Variants in MAP4 observed in about 807,000 individuals in gnomAD.
MAP4 encodes microtubule-associated protein 4.
In MAP4, 76 loss-of-function variants were observed where a neutral mutation model predicts 170.2. That is an observed-to-expected ratio of 0.45 (90% CI 0.37 to 0.54). The LOEUF is 0.54. MAP4 is among the 20% of genes least tolerant of loss of function. The pLI is 0.00. For synonymous variants in MAP4, 909 were observed against 994.5 expected (o/e 0.91, Z 1.62); for missense variants, 2,506 against 2,748.0 (o/e 0.91, Z 1.97).
At chr3:48,086,603 T>C (rs2154575705) in intron 1 of MAP4, among the ~76,000 whole-genome samples, 1 of 152,286 alleles carries the variant, frequency 6.6e-6, no homozygotes, top group East Asian at 1.9e-4. Flanking sequence ...CCTGCCACTG[T>C]CCAGCCTGGG....
In MAP4 at chr3:47,916,883, G is replaced by A; in HGVS notation, c.944C>T (p.Ala315Val). The change falls in exon 7 of 21, where the codon GCC becomes GTC. Residue 315 changes from alanine to valine, a missense_variant. Ala to Val is a moderately conservative substitution (Grantham distance 64, BLOSUM62 0). Coordinates refer to ENST00000683076, the MANE Select transcript of MAP4 (RefSeq NM_001385682.1). ...DMELPTEKEV[A>V]LVKDVRWPTE... ...GGGCCATCTGACATCCTTAACCAGG[G>A]CCACTTCTTTTTCTGTGGGTAGTTC... 6.2e-7 allele frequency: 1 copy of A among 1,614,210 alleles called. No individual in the cohort carries two copies. Among genetic ancestry groups the A allele is most frequent in the Non-Finnish European group, 8.5e-7 (1 of 1,180,046 alleles).
chr3:47,923,012 T>C (rs1408215407), intron 4 of MAP4, among the ~76,000 whole-genome samples: 1 of 151,454 alleles, frequency 6.6e-6, no homozygotes, highest in African/African-American at 2.4e-5. Context: ...ATGGCGCCAC[T>C]GCACTCCAGC....
chr3:47,991,127 T>A (rs772658102), intron 2 of MAP4, among the ~76,000 whole-genome samples: 68 of 152,176 alleles, frequency 4.5e-4, no homozygotes, highest in Admixed American at 9.2e-4. Flanking sequence ...GCAGAAATCA[T>A]ACTTAGAGAA....
chr3:47,973,061 C>G (rs963411782), intron 3 of MAP4: 2 of 984,550 alleles, frequency 2.0e-6, no homozygotes, highest in African/African-American at 3.5e-5. Flanking sequence ...AATTATGACC[C>G]CAACCAAATC....
chr3:48,076,636 G>A (rs1479155795), intron 1 of MAP4, among the ~76,000 whole-genome samples: 1 of 151,302 alleles, frequency 6.6e-6, no homozygotes, highest in Non-Finnish European at 1.5e-5. Context: ...CAGATATCAT[G>A]CCACTGCACT....
chr3:47,946,654 C>CAA (rs11427271), intron 3 of MAP4, among the ~76,000 whole-genome samples: 2,269 of 39,466 alleles, frequency 0.057, 133 homozygotes, highest in Admixed American at 0.1. Context: ...AACTCCGTCT[C>CAA]AAAAAAAAAA....
intron 1 of MAP4, among the ~76,000 whole-genome samples, chr3:48,071,642 T>C (rs761728883): frequency 1.3e-5 from 2 of 152,080 alleles, no homozygotes; most frequent in African/African-American, 2.4e-5. Flanking sequence ...ATGAAAAAAG[T>C]AGCCGGGTGC....
chr3:47,930,430 CGACAGAGCGA>C (rs2100048972), intron 3 of MAP4, among the ~76,000 whole-genome samples: 4 of 145,164 alleles, frequency 2.8e-5, no homozygotes, highest in Non-Finnish European at 6.0e-5. Flanking sequence ...CCGGCCTGGG[CGACAGAGCGA>C]GACTCCGTCT....
At chr3:47,918,408 C>A (rs1213579714) in intron 6 of MAP4, among the ~76,000 whole-genome samples, 1 of 151,830 alleles carries the variant, frequency 6.6e-6, no homozygotes, top group Non-Finnish European at 1.5e-5. Context: ...GTGTGAGCCA[C>A]CACACCAGGC....
At chr3:47,865,297 C>A (rs1166310913) in intron 17 of MAP4, among the ~76,000 whole-genome samples, 1 of 152,196 alleles carries the variant, frequency 6.6e-6, no homozygotes, top group Non-Finnish European at 1.5e-5. Context: ...TCCCTCAGAA[C>A]CCCTGTTCAC....
chr3:48,081,370 T>C (rs1311659646), intron 1 of MAP4, among the ~76,000 whole-genome samples: 1 of 152,024 alleles, frequency 6.6e-6, no homozygotes, highest in Non-Finnish European at 1.5e-5. Flanking sequence ...CACTTCCTGT[T>C]TGGCCAAGGG....
intron 4 of MAP4, among the ~76,000 whole-genome samples, chr3:47,922,970 A>G (rs536923625): frequency 1.3e-4 from 20 of 152,138 alleles, no homozygotes; most frequent in Non-Finnish European, 2.5e-4. Context: ...AAATCGCTTG[A>G]ACACGGGAGG....
intron 2 of MAP4, among the ~76,000 whole-genome samples, chr3:47,991,253 A>T (rs1221744555): frequency 6.6e-6 from 1 of 152,210 alleles, no homozygotes; most frequent in Non-Finnish European, 1.5e-5. Context: ...AGGAAATAAA[A>T]CACCATTGTT....
chr3:47,998,334 C>A lies in MAP4; in HGVS notation c.223+304G>T, dbSNP rs2100097119. ...GATATAACCGCAGAATTTTATTTAA[C>A]TTTTCAAAGCTACTTTCAGAGAAAA... is the stretch of plus-strand genomic sequence containing the variant. On this transcript the variant is annotated intron_variant, in intron 2 of 20. Coordinates refer to ENST00000683076, the MANE Select transcript of MAP4 (RefSeq NM_001385682.1). 1.3e-5 allele frequency among the ~76,000 whole-genome samples: 2 copies of A among 152,104 alleles called. 1 individual carries two copies. Among genetic ancestry groups the A allele is most frequent in the South Asian group, 4.1e-4 (2 of 4,830 alleles).
intron 3 of MAP4, chr3:47,975,275 A>G: frequency 6.8e-7 from 1 of 1,461,656 alleles, no homozygotes. Flanking sequence ...CACAAGAGGA[A>G]GCAGGTTGTT....
At chr3:47,972,977 GA>G (rs1190181939) in intron 3 of MAP4, 1 of 964,758 alleles carries the variant, frequency 1.0e-6, no homozygotes, top group African/African-American at 1.8e-5. Context: ...GGTGGGATTA[GA>G]AGCTATATTA....
At chr3:47,897,935 C>A (rs1333260776) in intron 10 of MAP4, among the ~76,000 whole-genome samples, 1 of 138,380 alleles carries the variant, frequency 7.2e-6, no homozygotes, top group Non-Finnish European at 1.5e-5. Context: ...GAGTGAGACT[C>A]CATATCGGGG....
chr3:47,987,318 G>T, intron 2 of MAP4: 1 of 1,202,280 alleles, frequency 8.3e-7, no homozygotes, highest in Non-Finnish European at 1.2e-6. Context: ...ATAACAAATA[G>T]CTTAATTATG....
intron 17 of MAP4, among the ~76,000 whole-genome samples, chr3:47,861,859 AAAAAC>A (rs538971836): frequency 2.1e-5 from 3 of 143,860 alleles, no homozygotes; most frequent in South Asian, 2.2e-4. Context: ...ACTTTGTCTC[AAAAAC>A]AAAACAAAAC....
Sources: allele counts gnomAD v4.1 joint callset (sites outside exome capture counted in the v4.1 genomes callset), GRCh38; gene constraint gnomAD v4.1.1; transcripts MANE v1.5; gene names NCBI Gene and HGNC (gene_info 2026-07-23, HGNC 2026-07-21).